The following PIBF1 variants were observed in gnomAD, a reference collection of about 807,000 sequenced individuals.
The protein encoded by PIBF1 is progesterone immunomodulatory binding factor 1.
A neutral mutation model predicts 112.5 loss-of-function variants in PIBF1; 90 were observed. That is an observed-to-expected ratio of 0.80 (90% confidence interval 0.67 to 0.95). PIBF1 has a LOEUF of 0.95. PIBF1 is among the 40% of genes least tolerant of loss of function. The pLI is 0.00. For synonymous variants in PIBF1, 301 were observed against 288.6 expected, an observed-to-expected ratio of 1.04 and a Z score of -0.44; for missense variants, 915 against 852.3, an observed-to-expected ratio of 1.07 and a Z score of -0.92.
chr13:72,795,335 GCCATAAATTCT>G lies in PIBF1; in HGVS notation c.354-22_354-12del. 7.1e-7 allele frequency: 1 copy of G among 1,404,736 alleles called. No homozygotes were observed. Among genetic ancestry groups the G allele is most frequent in the Non-Finnish European group, 9.9e-7 (1 of 1,010,340 alleles). 87.0% of individuals were successfully genotyped at this position (1,404,736 alleles called of 1,614,324 possible). On this transcript the variant is annotated splice_polypyrimidine_tract_variant and intron_variant, in intron 3 of 17. Transcript: ENST00000326291. ...GATCTCAAATACTTTTTTAAAGCCTGCCATAAATTCTCTTCTAATGTAGCAAATATCAAGAA... is the reference window on the plus strand; with the variant it reads ...GATCTCAAATACTTTTTTAAAGCCTGCTTCTAATGTAGCAAATATCAAGAA...
Position 72,818,678 on chromosome 13 carries a change from C to CTTTTTTT in PIBF1, c.673-3155_673-3149dup, listed in dbSNP as rs3077726. Reference sequence around the variant, plus strand: ...TTGCCACCATGTTATCAGTCTTAAACTTTTTTTTTTTTTTTTTTTTTTGCC... The same window carrying CTTTTTTT: ...TTGCCACCATGTTATCAGTCTTAAACTTTTTTTTTTTTTTTTTTTTTTTTTTTTTGCC... On this transcript the variant is annotated intron_variant, in intron 5 of 17. Transcript: ENST00000326291. 4.0e-4 allele frequency among the ~76,000 whole-genome samples: 32 copies of CTTTTTTT among 80,390 alleles called. 2 individuals are homozygous for CTTTTTTT. The highest frequency in any genetic ancestry group is 8.6e-4 in the African/African-American group (17 of 19,794). 52.7% of individuals were successfully genotyped at this position (80,390 alleles called of 152,430 possible).
chr13:72,869,694 C>G (rs1003745764), intron 10 of PIBF1, among the ~76,000 whole-genome samples: 1 of 151,542 alleles, frequency 6.6e-6, no homozygotes, highest in South Asian at 2.1e-4. Flanking sequence ...GCTCTGATCG[C>G]CTCTCTTTAT....
At chr13:72,973,404 A>T (rs1220030140) in intron 15 of PIBF1, among the ~76,000 whole-genome samples, 187 bp from the exon 16 acceptor site, 1 of 152,104 alleles carries the variant, frequency 6.6e-6, no homozygotes, top group Non-Finnish European at 1.5e-5. Context: ...AAAGAAAAAG[A>T]TCTTCTGACA....
intron 5 of PIBF1, among the ~76,000 whole-genome samples, chr13:72,820,409 G>A (rs76811829): frequency 9.7e-4 from 148 of 152,214 alleles, no homozygotes; most frequent in African/African-American, 3.4e-3. Context: ...CTTTCGGGAG[G>A]TGATAGCGTA....
intron 9 of PIBF1, among the ~76,000 whole-genome samples, chr13:72,853,015 T>C (rs2038238017): frequency 6.6e-6 from 1 of 152,048 alleles, no homozygotes; most frequent in Non-Finnish European, 1.5e-5. Flanking sequence ...ATCATTTATA[T>C]TACATTCTTT....
At chr13:72,961,300 A>G (rs2042600125) in intron 14 of PIBF1, among the ~76,000 whole-genome samples, 1 of 151,950 alleles carries the variant, frequency 6.6e-6, no homozygotes, top group African/African-American at 2.4e-5. Context: ...TTTCCACTAT[A>G]TCCATCCCAC....
chr13:72,931,242 AC>A lies in PIBF1; in HGVS notation c.1810del (p.Gln604LysfsTer2). ...TTAAAAGATCTGGAACATCGAAAGG[AC>A]CAAGTAACACAGCTTTCACAAGAGG... Reference protein sequence around the residue: ...LILKDLEHRKDQVTQLSQELD... With the variant: ...LILKDLEHRKXQVTQLSQELD... On this transcript the variant is annotated frameshift_variant, in exon 14 of 18. Transcript: ENST00000326291. LOFTEE classifies it high-confidence loss of function. 1 of 1,610,402 alleles carries A rather than the reference AC, an allele frequency of 6.2e-7. No individual in the cohort carries two copies. Among genetic ancestry groups the A allele is most frequent in the Non-Finnish European group, 8.5e-7 (1 of 1,177,282 alleles).
intron 10 of PIBF1, among the ~76,000 whole-genome samples, chr13:72,882,043 A>G (rs1209231677): frequency 1.3e-5 from 2 of 152,144 alleles, no homozygotes; most frequent in African/African-American, 2.4e-5. Context: ...AAAATATACT[A>G]CAGTGCTATA....
chr13:73,000,554 A>T (rs2043827439), intron 17 of PIBF1, among the ~76,000 whole-genome samples: 1 of 152,196 alleles, frequency 6.6e-6, no homozygotes, highest in Admixed American at 6.5e-5. Flanking sequence ...ATTGTGGCAG[A>T]CACTATGCTG....
At chr13:72,815,630 T>C (rs187086038) in intron 5 of PIBF1, among the ~76,000 whole-genome samples, 249 of 152,300 alleles carry the variant, frequency 1.6e-3, no homozygotes, top group Non-Finnish European at 2.9e-3. Context: ...TACAGGACTT[T>C]ATCCTTTCCA....
Position 72,925,269 on chromosome 13 carries a change from A to T in PIBF1, c.1731-5896A>T, listed in dbSNP as rs1463664868. 3.9e-5 allele frequency among the ~76,000 whole-genome samples: 6 copies of T among 152,148 alleles called. No individual in the cohort carries two copies. The East Asian group carries it at 1.2e-3, about 29-fold the overall frequency. On this transcript the variant is annotated intron_variant, in intron 13 of 17. Transcript: ENST00000326291. ...TAAATTTAATTTAAAACAGGATTTT[A>T]TGTTTATCTATAAGGTTAGCAAAAC...
intron 17 of PIBF1, among the ~76,000 whole-genome samples, chr13:73,001,646 G>T (rs1194154388): frequency 2.3e-5 from 1 of 43,746 alleles, no homozygotes; most frequent in Non-Finnish European, 5.9e-5. Context: ...TTTGGAGATG[G>T]AGTCTCTCAC....
chr13:72,844,789 A>ACACACACACGCG (rs1555296221), intron 9 of PIBF1, among the ~76,000 whole-genome samples: 2 of 119,562 alleles, frequency 1.7e-5, no homozygotes, highest in African/African-American at 7.6e-5. Context: ...ACACACACAC[A>ACACACACACGCG]CACACACACA....
At chr13:72,813,943 G>A (rs2036141702) in intron 5 of PIBF1, among the ~76,000 whole-genome samples, 1 of 152,036 alleles carries the variant, frequency 6.6e-6, no homozygotes, top group Non-Finnish European at 1.5e-5. Context: ...ACAGATTGTC[G>A]GCAGAGCTCG....
At chr13:72,821,447 A>G (rs2036553874) in intron 5 of PIBF1, among the ~76,000 whole-genome samples, 1 of 152,158 alleles carries the variant, frequency 6.6e-6, no homozygotes, top group South Asian at 2.1e-4. Context: ...TGATATCCAT[A>G]TGACTTTTCA....
chr13:72,875,485 TG>T, intron 10 of PIBF1, among the ~76,000 whole-genome samples: 1 of 146,566 alleles, frequency 6.8e-6, no homozygotes, highest in Non-Finnish European at 1.6e-5. Flanking sequence ...CAGTGTAGTG[TG>T]GGGGAAAAAA....
rs566703952 is a variant in PIBF1 at position 72,821,352 on chromosome 13, G to A, written c.673-497G>A. ...AGAACAATGTAAAGATGTGTTTCGA[G>A]GGTCACACGATTCCTTTTTTTCTGA... On this transcript the variant is annotated intron_variant, in intron 5 of 17. Coordinates refer to ENST00000326291, the MANE Select transcript of PIBF1 (RefSeq NM_006346.4). 5.9e-5 allele frequency among the ~76,000 whole-genome samples: 9 copies of A among 152,218 alleles called. No homozygotes were observed. The South Asian group carries it at 1.9e-3, about 32-fold the overall frequency.
At position 73,016,066 on chromosome 13, in the gene PIBF1, T is replaced by C; in HGVS notation, c.*147T>C. ...TAATATTAAATTAACAAATTCAGTG[T>C]AATCAAAATGTGTAAAGAACAATCA... On this transcript the variant is annotated 3_prime_UTR_variant, in exon 18 of 18. Coordinates refer to ENST00000326291, the MANE Select transcript of PIBF1 (RefSeq NM_006346.4). The C allele has an allele frequency of 2.9e-6, 1 of 345,318 alleles. No homozygotes were observed. Among genetic ancestry groups the C allele is most frequent in the Non-Finnish European group, 5.2e-6 (1 of 192,626 alleles). 21.4% of individuals were successfully genotyped at this position (345,318 alleles called of 1,614,324 possible).
chr13:72,986,002 TAA>T (rs58711622), intron 16 of PIBF1, among the ~76,000 whole-genome samples: 8 of 151,072 alleles, frequency 5.3e-5, no homozygotes, highest in African/African-American at 2.0e-4. Flanking sequence ...AAAAATTTTT[TAA>T]AATAAATAAT....
Sources: gnomAD v4.1 joint callset for allele counts (sites outside exome capture counted in the v4.1 genomes callset) on GRCh38, gnomAD v4.1.1 for gene constraint, MANE v1.5 for transcripts, NCBI Gene and HGNC (gene_info 2026-07-23, HGNC 2026-07-21) for gene names.